The following AURKC variants were observed in gnomAD, a reference collection of about 807,000 sequenced individuals.
AURKC encodes the protein aurora kinase C.
In AURKC, 15 loss-of-function variants were observed where a neutral mutation model predicts 29.2. That is an observed-to-expected ratio of 0.51 (90% CI 0.34 to 0.79). The LOEUF (loss-of-function observed/expected upper bound fraction) is 0.79. Ranked by LOEUF, AURKC falls within the 30% of genes least tolerant of loss-of-function variation. The pLI is 0.01. For missense variants in AURKC, 332 were observed against 383.2 expected (o/e 0.87, Z 1.12); for synonymous variants, 150 against 149.9 (o/e 1.00, Z -0.01).
intron 5 of AURKC, 110 bp downstream of exon 5, chr19:57,233,718 C>A: frequency 1.4e-6 from 2 of 1,417,410 alleles, no homozygotes; most frequent in Non-Finnish European, 2.0e-6. Flanking sequence ...CTTGGGGTTT[C>A]TATTGGAATA....
At position 57,231,279 on chromosome 19, in the gene AURKC, G is replaced by A. The variant is rs969884455; in HGVS notation, c.31G>A (p.Gly11Ser). The change falls in exon 1 of 7, where the codon GGC becomes AGC. Residue 11 changes from glycine (G) to serine (S), a missense_variant. Transcript: ENST00000302804. ...CTCCCCCAGAGCTGTGGTGCAGCTGGGCAAAGCTCAACCTGCAGGCGAAGA... is the reference window on the plus strand; with the variant it reads ...CTCCCCCAGAGCTGTGGTGCAGCTGAGCAAAGCTCAACCTGCAGGCGAAGA... MSSPRAVVQL[G>S]KAQPAGEELA... is the part of the protein sequence containing the mutation. The A allele has an allele frequency of 6.4e-7, 1 of 1,552,804 alleles. No homozygotes were observed. Among genetic ancestry groups the A allele is most frequent in the Non-Finnish European group, 8.7e-7 (1 of 1,147,590 alleles).
intron 5 of AURKC, among the ~76,000 whole-genome samples, chr19:57,233,828 T>C (rs1020362373): frequency 8.6e-5 from 13 of 151,842 alleles, no homozygotes; most frequent in African/African-American, 2.9e-4. Flanking sequence ...GCCTCCCAGG[T>C]TAAAGCGGTT....
At position 57,231,783 on chromosome 19, in the gene AURKC, G is replaced by A; in HGVS notation, c.100G>A (p.Ala34Thr). 1 of 1,613,970 alleles carries A rather than the reference G, an allele frequency of 6.2e-7. No individual in the cohort carries two copies. Among genetic ancestry groups the A allele is most frequent in the Non-Finnish European group, 8.5e-7 (1 of 1,180,024 alleles). The change falls in exon 2 of 7, where the codon GCC becomes ACC. Residue 34 changes from alanine (A) to threonine (T), a missense_variant. Ala to Thr is a moderately conservative substitution (Grantham distance 58). Transcript: ENST00000302804. The stretch of plus-strand genomic sequence containing the variant: ...AACAGCCCAGCAGCCCAGCAGCCCA[G>A]CCATGTGAGTCCCTTGGGATTGGTA... ...NQTAQQPSSPAMRRLTVDDFE... is the reference protein window; with the variant it reads ...NQTAQQPSSPTMRRLTVDDFE...
At position 57,231,145 on chromosome 19, in the gene AURKC, CG is replaced by C. The variant is rs369105326; in HGVS notation, c.-103del. 5 of 1,381,390 alleles carry C rather than the reference CG, an allele frequency of 3.6e-6. No individual in the cohort carries two copies. The highest frequency in any genetic ancestry group is 4.8e-6 in the Non-Finnish European group (5 of 1,037,252). The allele number at this position is 1,381,390 out of a possible 1,614,324, so 85.6% of individuals were successfully genotyped here. A position where few individuals can be genotyped will look rare whatever the true frequency, so the allele number is the denominator to read the frequency against. On this transcript the variant is annotated 5_prime_UTR_variant, in exon 1 of 7. Transcript: ENST00000302804. ...GCTGCAGGACGAGCAGGATTGGAAG[CG>C]CCCCGGCCAGAAAGTGACCCCCCAC...
chr19:57,234,927 A>G lies in AURKC; in HGVS notation c.628A>G (p.Met210Val), dbSNP rs777518471. ...CGTLDYLPPE[M>V]IEGRTYDEKV... ...GACACTGGACTACTTGCCGCCAGAA[A>G]TGATTGAGGGGAGAACATATGATGA... Residue 210 changes from methionine (M) to valine (V), a missense_variant, in exon 6 of 7, where the codon ATG becomes GTG. By Grantham distance (21) the Met-to-Val change is conservative. Transcript: ENST00000302804. The G allele has an allele frequency of 3.1e-6, 5 of 1,614,078 alleles. No individual in the cohort carries two copies. Among genetic ancestry groups the G allele is most frequent in the Non-Finnish European group, 4.2e-6 (5 of 1,180,048 alleles).
chr19:57,231,663 TTCTCC>T (rs1180685359), intron 1 of AURKC, 74 bp from the exon 2 acceptor site: 2 of 1,530,122 alleles, frequency 1.3e-6, no homozygotes, highest in Non-Finnish European at 1.8e-6. Flanking sequence ...TTCTCTACTG[TTCTCC>T]TCTCCTCTCT....
intron 4 of AURKC, among the ~76,000 whole-genome samples, chr19:57,233,047 C>CG (rs367784994): frequency 1.1e-3 from 163 of 152,174 alleles, no homozygotes; most frequent in African/African-American, 2.9e-3. Flanking sequence ...TAGAGGGTTC[C>CG]GGAAAGGGAA....
At position 57,235,315 on chromosome 19, in the gene AURKC, C is replaced by T; in HGVS notation, c.828C>T (p.Tyr276=). 1 of 1,614,132 alleles carries T rather than the reference C, an allele frequency of 6.2e-7. No individual in the cohort carries two copies. The highest frequency in any genetic ancestry group is 8.5e-7 in the Non-Finnish European group (1 of 1,180,038). Reference sequence around the variant, plus strand: ...ACTTGATTTCCAGGCTTCTCAGATACCAGCCCTTGGAGAGACTGCCCCTGG... The same window carrying T: ...ACTTGATTTCCAGGCTTCTCAGATATCAGCCCTTGGAGAGACTGCCCCTGG... ...ARDLISRLLR[Y]QPLERLPLAQ... is the part of the protein sequence containing the mutation. Residue 276 remains tyrosine, a synonymous_variant, in exon 7 of 7, where the codon TAC becomes TAT. Coordinates refer to ENST00000302804, the MANE Select transcript of AURKC (RefSeq NM_001015878.2).
In AURKC at chr19:57,232,610, A is replaced by G. The variant is rs768917128; in HGVS notation, c.365A>G (p.Tyr122Cys). Residue 122 changes from tyrosine to cysteine, a missense_variant, in exon 4 of 7, where the codon TAT (tyrosine) becomes TGT (cysteine). Transcript: ENST00000302804. This position sits in a 1 kb window ranked among gnomAD's most constrained non-coding sequence, Gnocchi z 4.5. ...DARRVYLILE[Y>C]APRGELYKEL... The stretch of plus-strand genomic sequence containing the variant: ...CGCCGGGTGTACCTGATTCTGGAAT[A>G]TGCTCCAAGGGGTGAGCTCTACAAG... 3.1e-6 allele frequency: 5 copies of G among 1,614,030 alleles called. No individual in the cohort carries two copies. Among genetic ancestry groups the G allele is most frequent in the African/African-American group, 1.3e-5 (1 of 74,910 alleles).
In AURKC at chr19:57,232,825, G is replaced by A. The variant is rs780009552; in HGVS notation, c.435+145G>A. 28 of 1,085,186 alleles carry A rather than the reference G, an allele frequency of 2.6e-5. No homozygotes were observed. The highest frequency in any genetic ancestry group is 1.2e-4 in the African/African-American group (8 of 64,170). 67.2% of individuals were successfully genotyped at this position (1,085,186 alleles called of 1,614,324 possible). ...TTGTGTAAATTTAATATAATGGCAC[G>A]TATGTTCTACAGCTTTATCCTTGGA... On this transcript the variant is annotated intron_variant, in intron 4 of 6. Coordinates refer to ENST00000302804, the MANE Select transcript of AURKC (RefSeq NM_001015878.2). This position sits in a 1 kb window ranked among gnomAD's most constrained non-coding sequence, Gnocchi z 4.5.
In AURKC at chr19:57,235,320, C is replaced by T. The variant is rs1437359871; in HGVS notation, c.833C>T (p.Pro278Leu). Residue 278 changes from proline (P) to leucine (L), a missense_variant, in exon 7 of 7, where the codon CCC becomes CTC. Coordinates refer to ENST00000302804, the MANE Select transcript of AURKC (RefSeq NM_001015878.2). ...DLISRLLRYQ[P>L]LERLPLAQIL... ...ATTTCCAGGCTTCTCAGATACCAGC[C>T]CTTGGAGAGACTGCCCCTGGCCCAG... 11 of 1,614,010 alleles carry T rather than the reference C, an allele frequency of 6.8e-6. No individual in the cohort carries two copies. The highest frequency in any genetic ancestry group is 1.7e-5 in the Admixed American group (1 of 60,000).
At chr19:57,233,191 T>A (rs1404945490) in intron 4 of AURKC, among the ~76,000 whole-genome samples, 1 of 152,192 alleles carries the variant, frequency 6.6e-6, no homozygotes, top group Non-Finnish European at 1.5e-5. Context: ...TCTGAGTGGC[T>A]CAATGTAGGT....
In AURKC at chr19:57,235,499, C is replaced by G; in HGVS notation, c.*82C>G. 2 of 1,537,230 alleles carry G rather than the reference C, an allele frequency of 1.3e-6. No homozygotes were observed. Among genetic ancestry groups the G allele is most frequent in the Non-Finnish European group, 1.8e-6 (2 of 1,117,398 alleles). ...ACCTCATTTGTCTTTATTTTTTTCT[C>G]TTTTAAGATGTAAGATGCTAATTAA... On this transcript the variant is annotated 3_prime_UTR_variant, in exon 7 of 7. Coordinates refer to ENST00000302804, the MANE Select transcript of AURKC (RefSeq NM_001015878.2).
Position 57,235,245 on chromosome 19 carries a change from A to G in AURKC, c.760-2A>G. The G allele has an allele frequency of 6.2e-7, 1 of 1,614,210 alleles. No homozygotes were observed. Among genetic ancestry groups the G allele is most frequent in the Non-Finnish European group, 8.5e-7 (1 of 1,180,028 alleles). On this transcript the variant is annotated splice_acceptor_variant, in intron 6 of 6. Coordinates refer to ENST00000302804, the MANE Select transcript of AURKC (RefSeq NM_001015878.2). LOFTEE classifies it high-confidence loss of function. ...CTCTTTCTTCTTTCCTGGCCTCATC[A>G]GGTAGATGTGAGGTTTCCACTATCA...
Position 57,235,529 on chromosome 19 carries a change from A to G in AURKC, c.*112A>G. 1 of 1,308,738 alleles carries G rather than the reference A, an allele frequency of 7.6e-7. No homozygotes were observed. The highest frequency in any genetic ancestry group is 1.1e-6 in the Non-Finnish European group (1 of 917,504). The allele number at this position is 1,308,738 out of a possible 1,614,324, so 81.1% of individuals were successfully genotyped here. A position where few individuals can be genotyped will look rare whatever the true frequency, so the allele number is the denominator to read the frequency against. ...AAGATGTAAGATGCTAATTAATAAA[A>G]GCTGAATCATTTCATACCAGCTCTT... On this transcript the variant is annotated 3_prime_UTR_variant, in exon 7 of 7. Coordinates refer to ENST00000302804, the MANE Select transcript of AURKC (RefSeq NM_001015878.2).
Position 57,232,037 on chromosome 19 carries a change from C to A in AURKC, c.109C>A (p.Arg37Ser), listed in dbSNP as rs768412496. 1 of 1,614,074 alleles carries A rather than the reference C, an allele frequency of 6.2e-7. No individual in the cohort carries two copies. Among genetic ancestry groups the A allele is most frequent in the Non-Finnish European group, 8.5e-7 (1 of 1,180,020 alleles). The change falls in exon 3 of 7, where the codon CGC becomes AGC. Residue 37 changes from arginine (R) to serine (S), a missense_variant. Arg to Ser is a moderately radical substitution (Grantham distance 110). Transcript: ENST00000302804. This position sits in a 1 kb window ranked among gnomAD's most constrained non-coding sequence, Gnocchi z 4.5. Reference protein sequence around the residue: ...AQQPSSPAMRRLTVDDFEIGR... With the variant: ...AQQPSSPAMRSLTVDDFEIGR... ...TTTTTCTTCCTCTCCTGTCAGGCGG[C>A]GCCTCACAGTCGATGACTTTGAAAT...
intron 1 of AURKC, 145 bp downstream of exon 1, chr19:57,231,451 T>A: frequency 1.1e-6 from 1 of 938,546 alleles, no homozygotes; most frequent in Non-Finnish European, 1.6e-6. Context: ...CTCCCTTCCC[T>A]CCAATTCTTT....
chr19:57,231,657 C>G, intron 1 of AURKC, 85 bp from the exon 2 acceptor site: 1 of 1,502,998 alleles, frequency 6.7e-7, no homozygotes, highest in Non-Finnish European at 9.2e-7. Context: ...ATTCCCTTCT[C>G]TACTGTTCTC....
chr19:57,231,513 C>G (rs1045473836), intron 1 of AURKC: 1 of 746,290 alleles, frequency 1.3e-6, no homozygotes, highest in Non-Finnish European at 2.3e-6. Flanking sequence ...CTCTCTGCCT[C>G]TTCTTCACCT....
Sources: allele counts gnomAD v4.1 joint callset (sites outside exome capture counted in the v4.1 genomes callset), GRCh38; gene constraint gnomAD v4.1.1; non-coding constraint Gnocchi (gnomAD v3.1); transcripts MANE v1.5; gene names NCBI Gene and HGNC (gene_info 2026-07-23, HGNC 2026-07-21).